The following BNC2 variants were observed in gnomAD, a reference collection of about 807,000 sequenced individuals.
BNC2 encodes the protein zinc finger protein basonuclin-2.
Under a neutral mutation model 76.3 loss-of-function variants are expected in BNC2, and 20 were observed. That is an observed-to-expected ratio of 0.26 (90% CI 0.18 to 0.38). BNC2 has a LOEUF of 0.38. BNC2 is among the 10% of genes least tolerant of loss of function. The pLI is 1.00. For missense variants in BNC2, 1,382 were observed against 1,399.8 expected, an observed-to-expected ratio of 0.99 and a Z score of 0.20; for synonymous variants, 582 against 514.8, an observed-to-expected ratio of 1.13 and a Z score of -1.77.
At chr9:16,836,587 G>C (rs1818712865) in intron 1 of BNC2, among the ~76,000 whole-genome samples, 1 of 151,110 alleles carries the variant, frequency 6.6e-6, no homozygotes, top group Non-Finnish European at 1.5e-5. Context: ...TTCTTATTAA[G>C]TTTGATCCTA....
At chr9:16,766,075 C>A (rs948859294) in intron 1 of BNC2, among the ~76,000 whole-genome samples, 2 of 152,322 alleles carry the variant, frequency 1.3e-5, no homozygotes, top group Admixed American at 6.5e-5. Context: ...GCGTGAGCCA[C>A]CGCGCCCGGC....
intron 5 of BNC2, among the ~76,000 whole-genome samples, chr9:16,503,506 G>A (rs1822563896): frequency 6.6e-6 from 1 of 151,916 alleles, no homozygotes; most frequent in South Asian, 2.1e-4. Context: ...AAAGGGGAGA[G>A]GACATTCATG....
At chr9:16,613,629 C>T (rs1820615089) in intron 3 of BNC2, among the ~76,000 whole-genome samples, 1 of 152,182 alleles carries the variant, frequency 6.6e-6, no homozygotes, top group African/African-American at 2.4e-5. Context: ...TGCTACTTTT[C>T]CTGAGTGACA....
intron 3 of BNC2, among the ~76,000 whole-genome samples, chr9:16,700,943 A>G (rs931678439): frequency 1.3e-5 from 2 of 152,186 alleles, no homozygotes; most frequent in African/African-American, 4.8e-5. Flanking sequence ...ATAAATAAAT[A>G]AATAATAAAT....
At chr9:16,658,841 C>CT (rs1293397908) in intron 3 of BNC2, among the ~76,000 whole-genome samples, 1 of 152,080 alleles carries the variant, frequency 6.6e-6, no homozygotes, top group Non-Finnish European at 1.5e-5. Context: ...CCCCACCCAA[C>CT]TTTTTTCTCT....
intron 5 of BNC2, among the ~76,000 whole-genome samples, chr9:16,448,343 T>C (rs989179972): frequency 6.6e-6 from 1 of 152,258 alleles, no homozygotes; most frequent in East Asian, 1.9e-4. Context: ...CAAAAAATTT[T>C]TTTACATGAT....
intron 1 of BNC2, among the ~76,000 whole-genome samples, chr9:16,807,102 G>A (rs1443367937): frequency 1.3e-5 from 2 of 151,994 alleles, no homozygotes; most frequent in Non-Finnish European, 2.9e-5. Flanking sequence ...ATTTCCATTA[G>A]GCAAAGTTAT....
chr9:16,598,881 C>T (rs1360140665), intron 3 of BNC2, among the ~76,000 whole-genome samples: 1 of 152,116 alleles, frequency 6.6e-6, no homozygotes, highest in Admixed American at 6.6e-5. Flanking sequence ...TTTGAAAAAG[C>T]CAAACATCAA....
rs1484424117 is a variant in BNC2 at position 16,411,672 on chromosome 9, C to T, written c.*7317G>A. 1 of 152,606 alleles carries T rather than the reference C, an allele frequency of 6.6e-6. No homozygotes were observed. The allele number at this position is 152,606 out of a possible 1,614,324, so 9.5% of individuals were successfully genotyped here. Reference sequence around the variant, plus strand: ...CTCAAAGTGCTTTTCTTCCCAGTCCCCACACTGGTTCATGAAATTATTTAG... The same window carrying T: ...CTCAAAGTGCTTTTCTTCCCAGTCCTCACACTGGTTCATGAAATTATTTAG... On this transcript the variant is annotated 3_prime_UTR_variant, in exon 7 of 7. Transcript: ENST00000380672.
chr9:16,569,553 G>A (rs1471629362), intron 4 of BNC2, among the ~76,000 whole-genome samples: 3 of 152,098 alleles, frequency 2.0e-5, no homozygotes, highest in Non-Finnish European at 4.4e-5. Flanking sequence ...ACTTTGAAAA[G>A]CATTAAAGTC....
intron 3 of BNC2, among the ~76,000 whole-genome samples, chr9:16,715,101 C>G (rs1160991758): frequency 6.6e-6 from 1 of 152,152 alleles, no homozygotes; most frequent in East Asian, 1.9e-4. Flanking sequence ...GAATCTACCG[C>G]TTTAAGGTGA....
At chr9:16,727,513 G>A (rs1824374580) in intron 3 of BNC2, 1 of 381,948 alleles carries the variant, frequency 2.6e-6, no homozygotes, top group Non-Finnish European at 4.7e-6. Flanking sequence ...AATAAATTAA[G>A]TCTTCCCCTG....
intron 1 of BNC2, among the ~76,000 whole-genome samples, chr9:16,810,181 T>G (rs1225385486): frequency 2.0e-5 from 3 of 152,212 alleles, no homozygotes; most frequent in Admixed American, 1.3e-4. Flanking sequence ...CATTATAATA[T>G]GAATTGTCCC....
intron 1 of BNC2, among the ~76,000 whole-genome samples, chr9:16,853,602 C>T (rs370163486): frequency 1.3e-5 from 2 of 152,142 alleles, no homozygotes; most frequent in Admixed American, 6.6e-5. Flanking sequence ...CGCTGTGGCT[C>T]GCGCCTGCAA....
intron 1 of BNC2, among the ~76,000 whole-genome samples, chr9:16,763,689 C>T (rs1825615585): frequency 6.6e-6 from 1 of 152,178 alleles, no homozygotes; most frequent in Non-Finnish European, 1.5e-5. Flanking sequence ...TTCAGGTCTT[C>T]TCCAGGCTAG....
chr9:16,656,135 T>C (rs570905154), intron 3 of BNC2, among the ~76,000 whole-genome samples: 1 of 152,146 alleles, frequency 6.6e-6, no homozygotes, highest in African/African-American at 2.4e-5. Context: ...TATCCCACAG[T>C]GTAGCACAAA....
intron 5 of BNC2, among the ~76,000 whole-genome samples, chr9:16,492,566 A>T (rs745629722): frequency 6.6e-6 from 1 of 152,104 alleles, no homozygotes; most frequent in Non-Finnish European, 1.5e-5. Flanking sequence ...ATTAACTTTA[A>T]TATGTGTTTA....
At chr9:16,734,477 T>C (rs977674687) in intron 2 of BNC2, among the ~76,000 whole-genome samples, 2 of 152,336 alleles carry the variant, frequency 1.3e-5, no homozygotes, top group African/African-American at 2.4e-5. Flanking sequence ...ATTAGAATTA[T>C]ACATGTCACT....
chr9:16,638,309 A>G (rs1011704891), intron 3 of BNC2, among the ~76,000 whole-genome samples: 4 of 152,206 alleles, frequency 2.6e-5, no homozygotes, highest in African/African-American at 9.6e-5. Flanking sequence ...CTTTTCATCA[A>G]CAAAGTTGTT....
Sources: allele counts gnomAD v4.1 joint callset (sites outside exome capture counted in the v4.1 genomes callset), GRCh38; gene constraint gnomAD v4.1.1; transcripts MANE v1.5; gene names NCBI Gene and HGNC (gene_info 2026-07-23, HGNC 2026-07-21).